The following MYT1L variants were observed in gnomAD, a reference collection of about 807,000 sequenced individuals.
MYT1L encodes the protein myelin transcription factor 1-like protein.
A neutral mutation model predicts 126.7 loss-of-function variants in MYT1L; 12 were observed. The ratio of observed to expected loss-of-function variants is 0.09; its 90% confidence interval spans 0.06 to 0.15. MYT1L has a LOEUF of 0.15. Ranked by LOEUF, MYT1L falls within the 10% of genes least tolerant of loss-of-function variation. The pLI is 1.00. For synonymous variants in MYT1L, 541 were observed against 604.2 expected (o/e 0.90, Z 1.53); for missense variants, 979 against 1,585.2 (o/e 0.62, Z 6.49).
intron 8 of MYT1L, among the ~76,000 whole-genome samples, chr2:1,957,679 T>A (rs1271674812): frequency 6.6e-6 from 1 of 152,188 alleles, no homozygotes; most frequent in Non-Finnish European, 1.5e-5. Context: ...CTATCTGTCA[T>A]CTATGAATTA....
intron 4 of MYT1L, among the ~76,000 whole-genome samples, chr2:2,044,572 A>G (rs2067942492): frequency 6.6e-6 from 1 of 152,220 alleles, no homozygotes; most frequent in South Asian, 2.1e-4. Context: ...GCAGCCTGAG[A>G]CAAAGCCTTC....
chr2:2,019,239 A>C (rs1574561941), intron 4 of MYT1L, among the ~76,000 whole-genome samples: 1 of 152,052 alleles, frequency 6.6e-6, no homozygotes, highest in East Asian at 2.0e-4. Flanking sequence ...TTCTTGTGAC[A>C]GTGAGTAAGT....
At chr2:1,883,685 C>T (rs938191087) in intron 18 of MYT1L, among the ~76,000 whole-genome samples, 1 of 152,150 alleles carries the variant, frequency 6.6e-6, no homozygotes, top group Non-Finnish European at 1.5e-5. Context: ...TGAACTCCAC[C>T]TCAAAGCATC....
At position 1,846,674 on chromosome 2, in the gene MYT1L, C is replaced by A. The variant is rs553085381; in HGVS notation, c.2774+4967G>T. 7.2e-5 allele frequency among the ~76,000 whole-genome samples: 11 copies of A among 152,306 alleles called. No homozygotes were observed. In the South Asian group the frequency reaches 2.1e-3, roughly 29 times the overall value. Reference sequence around the variant, plus strand: ...GCCAAAGTGGTGCTAGGGTGGGTGTCCGGCCCGGAGCCCAGGGGCAGAGCA... The same window carrying A: ...GCCAAAGTGGTGCTAGGGTGGGTGTACGGCCCGGAGCCCAGGGGCAGAGCA... On this transcript the variant is annotated intron_variant, in intron 19 of 24. Transcript: ENST00000647738.
chr2:2,082,195 A>G lies in MYT1L; in HGVS notation c.-303-28072T>C, dbSNP rs569155382. On this transcript the variant is annotated intron_variant, in intron 3 of 24. Transcript: ENST00000647738. ...TTATGTGTGTATAGCATAAGACAGC[A>G]TTATATAAAATGCTATGGAAACACC... 3.3e-5 allele frequency among the ~76,000 whole-genome samples: 5 copies of G among 152,340 alleles called. No individual in the cohort carries two copies. In the East Asian group the frequency reaches 7.7e-4, roughly 23 times the overall value.
In MYT1L at chr2:1,917,752, C is replaced by T. The variant is rs115630441; in HGVS notation, c.1484-413G>A. Among the ~76,000 whole-genome samples, 182 of 152,276 alleles carry T rather than the reference C, an allele frequency of 1.2e-3. No homozygotes were observed. The highest frequency in any genetic ancestry group is 4.2e-3 in the African/African-American group (175 of 41,550). On this transcript the variant is annotated intron_variant, in intron 10 of 24. Transcript: ENST00000647738. This position sits in a 1 kb window ranked among gnomAD's most constrained non-coding sequence, Gnocchi z 5.9. Reference sequence around the variant, plus strand: ...GAAATTCAACCAGAGAGTGTCATTCCATTCAAAAACTCTTTAGCTGAATTT... The same window carrying T: ...GAAATTCAACCAGAGAGTGTCATTCTATTCAAAAACTCTTTAGCTGAATTT...
chr2:1,827,353 C>T (rs1336909971), intron 21 of MYT1L: 1 of 152,250 alleles, frequency 6.6e-6, no homozygotes, highest in East Asian at 1.9e-4. Flanking sequence ...GAACTTTCTT[C>T]CTGTGTTATA....
At chr2:1,868,608 G>GTTT (rs2045893353) in intron 18 of MYT1L, among the ~76,000 whole-genome samples, 1 of 152,214 alleles carries the variant, frequency 6.6e-6, no homozygotes, top group Admixed American at 6.5e-5. Flanking sequence ...CAGCCAGGGA[G>GTTT]GAAGGCTCTT....
At chr2:2,086,258 T>C (rs1428512261) in intron 3 of MYT1L, among the ~76,000 whole-genome samples, 4 of 152,226 alleles carry the variant, frequency 2.6e-5, no homozygotes, top group African/African-American at 9.6e-5. Context: ...AAGATCAACA[T>C]TGTGTCAACG....
chr2:2,009,662 T>A (rs2063633686), intron 4 of MYT1L, among the ~76,000 whole-genome samples: 1 of 152,198 alleles, frequency 6.6e-6, no homozygotes, highest in Admixed American at 6.5e-5. Flanking sequence ...AAATGCTACT[T>A]CTTCCTTCTG....
At chr2:1,918,556 T>C (rs977259591) in intron 10 of MYT1L, among the ~76,000 whole-genome samples, 4 of 152,228 alleles carry the variant, frequency 2.6e-5, no homozygotes, top group African/African-American at 7.2e-5. Context: ...TTTGAACTTT[T>C]ACGGACTTTT....
chr2:2,096,347 C>T (rs1020251765), intron 3 of MYT1L, among the ~76,000 whole-genome samples: 1 of 152,184 alleles, frequency 6.6e-6, no homozygotes, highest in Admixed American at 6.5e-5. Flanking sequence ...GCACAGGAGC[C>T]CCCGCTCTGC....
intron 1 of MYT1L, among the ~76,000 whole-genome samples, chr2:2,322,991 A>C (rs967498184): frequency 6.6e-6 from 1 of 152,218 alleles, no homozygotes; most frequent in African/African-American, 2.4e-5. Context: ...AGAAAAAGAA[A>C]TGTGTCTGTG....
At chr2:2,050,744 G>C (rs537014256) in intron 4 of MYT1L, among the ~76,000 whole-genome samples, 1 of 152,152 alleles carries the variant, frequency 6.6e-6, no homozygotes, top group Non-Finnish European at 1.5e-5. Flanking sequence ...AGCTGAGAGC[G>C]GCAGAAGGTA....
intron 18 of MYT1L, among the ~76,000 whole-genome samples, chr2:1,865,925 T>C (rs886413804): frequency 2.6e-5 from 4 of 152,138 alleles, no homozygotes; most frequent in African/African-American, 4.8e-5. Flanking sequence ...TCAGATGAAA[T>C]AGGCACAGGC....
At chr2:2,049,678 T>A (rs1313351958) in intron 4 of MYT1L, among the ~76,000 whole-genome samples, 3 of 152,186 alleles carry the variant, frequency 2.0e-5, no homozygotes, top group Admixed American at 1.3e-4. Context: ...GGGAGATAAA[T>A]GAATCATGGG....
chr2:2,147,008 GGC>G (rs2084984104), intron 3 of MYT1L, among the ~76,000 whole-genome samples: 1 of 152,178 alleles, frequency 6.6e-6, no homozygotes, highest in African/African-American at 2.4e-5. Flanking sequence ...GCCTCATGAT[GGC>G]ATTTCTCAGC....
At chr2:1,857,840 A>T (rs193165623) in intron 18 of MYT1L, among the ~76,000 whole-genome samples, 4,179 of 151,308 alleles carry the variant, frequency 0.028, 63 homozygotes, top group African/African-American at 0.037. Context: ...GGTAAAAAAA[A>T]TTTTTTAAAA....
At chr2:2,002,997 C>G (rs922218788) in intron 4 of MYT1L, among the ~76,000 whole-genome samples, 2 of 152,106 alleles carry the variant, frequency 1.3e-5, no homozygotes, top group Admixed American at 6.5e-5. Flanking sequence ...AACCTCTTTT[C>G]TTTATAAATT....
Sources: allele counts gnomAD v4.1 joint callset (sites outside exome capture counted in the v4.1 genomes callset), GRCh38; gene constraint gnomAD v4.1.1; non-coding constraint Gnocchi (gnomAD v3.1); transcripts MANE v1.5; gene names NCBI Gene and HGNC (gene_info 2026-07-23, HGNC 2026-07-21).